Variants in MON2 observed in about 807,000 individuals in gnomAD.
MON2 encodes MON2 regulator of endosome-to-Golgi trafficking.
MON2 carries 84 observed loss-of-function variants against 208.6 expected under a neutral mutation model. The observed-to-expected ratio is 0.40, with a 90% CI of 0.34 to 0.48. The LOEUF (loss-of-function observed/expected upper bound fraction) is 0.48. MON2 is among the 20% of genes least tolerant of loss of function. The pLI is 0.59. For missense variants in MON2, 1,611 were observed against 2,015.4 expected, an observed-to-expected ratio of 0.80 and a Z score of 3.84; for synonymous variants, 660 against 694.0, an observed-to-expected ratio of 0.95 and a Z score of 0.77.
rs539466722 is a variant in MON2 at position 62,565,581 on chromosome 12, T to G, written c.4176+201T>G. ...TCTGTGTTCTTTTTCTCCTCATTTA[T>G]GACTTTCCTCTTCCAACTGATTCTT... On this transcript the variant is annotated intron_variant, in intron 27 of 34. Coordinates refer to ENST00000393630, the MANE Select transcript of MON2 (RefSeq NM_015026.3). Among the ~76,000 whole-genome samples the G allele has an allele frequency of 4.6e-5, 7 of 152,304 alleles. No homozygotes were observed. The East Asian group carries it at 1.3e-3, about 29-fold the overall frequency.
chr12:62,490,382 G>GTAAAAT (rs2070055136), intron 2 of MON2, among the ~76,000 whole-genome samples: 1 of 151,724 alleles, frequency 6.6e-6, no homozygotes, highest in Non-Finnish European at 1.5e-5. Context: ...AATGGTTAAA[G>GTAAAAT]TAAAATGTCT....
At position 62,468,155 on chromosome 12, in the gene MON2, TAA is replaced by T. The variant is rs35738119; in HGVS notation, c.111+848_111+849del. On this transcript the variant is annotated intron_variant, in intron 1 of 34. Coordinates refer to ENST00000393630, the MANE Select transcript of MON2 (RefSeq NM_015026.3). ...CTCTTAAAATGCCATTTTAATTCTCTAAAAAAAAAAAACAAACAAAAAAACCC... is the reference window on the plus strand; with the variant it reads ...CTCTTAAAATGCCATTTTAATTCTCTAAAAAAAAAACAAACAAAAAAACCC... 9.3e-3 allele frequency among the ~76,000 whole-genome samples: 1,335 copies of T among 144,226 alleles called. 27 individuals carry two copies. Among genetic ancestry groups the T allele is most frequent in the African/African-American group, 0.032 (1,260 of 39,752 alleles). The allele number at this position is 144,226 out of a possible 152,430, so 94.6% of individuals were successfully genotyped here.
rs1325776407 is a variant in MON2 at position 62,594,826 on chromosome 12, T to G, written c.*2077T>G. On this transcript the variant is annotated 3_prime_UTR_variant, in exon 35 of 35. Transcript: ENST00000393630. ...TATAATAAGGTAATAAATGCCAGTC[T>G]TAGTGTGAAGCAAGTGGGTGGCCCC... The G allele has an allele frequency of 6.6e-6, 1 of 152,216 alleles. No individual in the cohort carries two copies. The highest frequency in any genetic ancestry group is 1.9e-4 in the East Asian group (1 of 5,198). 9.4% of individuals were successfully genotyped at this position (152,216 alleles called of 1,614,324 possible). A position where few individuals can be genotyped will look rare whatever the true frequency, so the allele number is the denominator to read the frequency against.
Position 62,592,797 on chromosome 12 carries a change from G to C in MON2, c.*48G>C, listed in dbSNP as rs761505136. 6.7e-7 allele frequency: 1 copy of C among 1,488,062 alleles called. No individual in the cohort carries two copies. Among genetic ancestry groups the C allele is most frequent in the South Asian group, 1.3e-5 (1 of 74,696 alleles). The allele number at this position is 1,488,062 out of a possible 1,614,324, so 92.2% of individuals were successfully genotyped here. On this transcript the variant is annotated 3_prime_UTR_variant, in exon 35 of 35. Transcript: ENST00000393630. Reference sequence around the variant, plus strand: ...CAGGAAGATAGTCTAAAAAATGTTTGCTCCTAATTGAGTCTTCTGTGAGAA... The same window carrying C: ...CAGGAAGATAGTCTAAAAAATGTTTCCTCCTAATTGAGTCTTCTGTGAGAA...
chr12:62,567,502 A>G (rs1388090000), intron 29 of MON2, among the ~76,000 whole-genome samples: 1 of 152,164 alleles, frequency 6.6e-6, no homozygotes, highest in East Asian at 1.9e-4. Flanking sequence ...TTAAACTTAC[A>G]AAAGACCAAA....
At chr12:62,541,092 A>G (rs1173962159) in intron 19 of MON2, among the ~76,000 whole-genome samples, 1 of 152,182 alleles carries the variant, frequency 6.6e-6, no homozygotes, top group Non-Finnish European at 1.5e-5. Context: ...CTTAAGATAA[A>G]GCTTGCAGGC....
chr12:62,496,611 T>C (rs2070502104), intron 4 of MON2, among the ~76,000 whole-genome samples: 1 of 152,176 alleles, frequency 6.6e-6, no homozygotes, highest in Admixed American at 6.5e-5. Flanking sequence ...GAAGGATAAA[T>C]AGGAGAAAAT....
intron 23 of MON2, among the ~76,000 whole-genome samples, chr12:62,551,539 T>A (rs1366812639): frequency 6.6e-6 from 1 of 152,140 alleles, no homozygotes; most frequent in African/African-American, 2.4e-5. Context: ...GTTTGAAATA[T>A]TACAAGTATT....
At chr12:62,566,554 A>C in intron 29 of MON2, 104 bp downstream of exon 29, 1 of 1,100,068 alleles carries the variant, frequency 9.1e-7, no homozygotes, top group East Asian at 2.9e-5. Flanking sequence ...TAGAAAATAC[A>C]ATTTGTAGTA....
intron 29 of MON2, among the ~76,000 whole-genome samples, chr12:62,570,722 CTTTTTTTTTTTTTTT>C (rs1192680038): frequency 1.1e-4 from 8 of 70,818 alleles, no homozygotes; most frequent in Admixed American, 6.9e-4. Flanking sequence ...TTTTCTTTTT[CTTTTTTTTTTTTTTT>C]TTTTTTTTTT....
intron 1 of MON2, among the ~76,000 whole-genome samples, chr12:62,480,421 C>G (rs2069349483): frequency 6.6e-6 from 1 of 151,966 alleles, no homozygotes; most frequent in Non-Finnish European, 1.5e-5. Flanking sequence ...AAAAATCAGC[C>G]AGGTGTGGTG....
intron 19 of MON2, among the ~76,000 whole-genome samples, chr12:62,541,507 A>G (rs1384234867): frequency 6.6e-6 from 1 of 152,204 alleles, no homozygotes; most frequent in Non-Finnish European, 1.5e-5. Flanking sequence ...TGTTTACTGT[A>G]TGCCAAGCAC....
chr12:62,577,463 A>G (rs1031589707), intron 30 of MON2, among the ~76,000 whole-genome samples: 1 of 152,116 alleles, frequency 6.6e-6, no homozygotes, highest in Admixed American at 6.5e-5. Flanking sequence ...ATATATTCCT[A>G]TATACAAAAT....
chr12:62,574,654 G>C (rs1749071290), intron 30 of MON2, among the ~76,000 whole-genome samples: 1 of 152,088 alleles, frequency 6.6e-6, no homozygotes, highest in African/African-American at 2.4e-5. Context: ...AAGTAACACA[G>C]TATCAGTATT....
intron 1 of MON2, among the ~76,000 whole-genome samples, chr12:62,478,565 G>T (rs916923022): frequency 2.6e-5 from 4 of 152,156 alleles, no homozygotes; most frequent in African/African-American, 9.7e-5. Context: ...AGTACAATTT[G>T]GGTTTGTATT....
At chr12:62,529,468 C>A (rs979594649) in intron 11 of MON2, among the ~76,000 whole-genome samples, 1 of 151,948 alleles carries the variant, frequency 6.6e-6, no homozygotes, top group East Asian at 1.9e-4. Flanking sequence ...TTATTAATTA[C>A]CTACCTTGAT....
intron 8 of MON2, among the ~76,000 whole-genome samples, chr12:62,510,044 AC>A (rs2071315238): frequency 6.6e-6 from 1 of 152,182 alleles, no homozygotes; most frequent in Non-Finnish European, 1.5e-5. Context: ...TTATGTGCCA[AC>A]AAATTGGATA....
chr12:62,592,516 T>A, intron 34 of MON2, 70 bp from the exon 35 acceptor site: 1 of 1,259,550 alleles, frequency 7.9e-7, no homozygotes, highest in Non-Finnish European at 1.1e-6. Context: ...TTTAAAGGAT[T>A]GTGTTCATGT....
rs778095911 is a variant in MON2 at position 62,467,291 on chromosome 12, C to T, written c.84C>T (p.Cys28=). 1.2e-6 allele frequency: 2 copies of T among 1,614,040 alleles called. No individual in the cohort carries two copies. Among genetic ancestry groups the T allele is most frequent in the South Asian group, 2.2e-5 (2 of 91,080 alleles). Residue 28 remains cysteine (C), a synonymous_variant, in exon 1 of 35, where the codon TGC becomes TGT. Coordinates refer to ENST00000393630, the MANE Select transcript of MON2 (RefSeq NM_015026.3). The part of the protein sequence containing the change: ...QSDLRALSLE[C]KKKFPPVKEA... ...ACTTGCGCGCCTTGTCACTGGAGTG[C>T]AAGAAGAAATTCCCACCTGTCAAAG...
Sources: allele counts gnomAD v4.1 joint callset (sites outside exome capture counted in the v4.1 genomes callset), GRCh38; gene constraint gnomAD v4.1.1; transcripts MANE v1.5; gene names NCBI Gene and HGNC (gene_info 2026-07-23, HGNC 2026-07-21).